ONECUT2: variants seen among roughly 807,000 people sequenced by gnomAD.
ONECUT2 encodes one cut homeobox 2, also known as one cut domain family member 2.
ONECUT2 carries 10 observed loss-of-function variants against 27.9 expected under a neutral mutation model. The observed-to-expected ratio is 0.36, with a 90% CI of 0.22 to 0.61. The LOEUF (loss-of-function observed/expected upper bound fraction) is 0.61, where lower values mean the gene tolerates loss of function less well. ONECUT2 is among the 20% of genes least tolerant of loss of function. ONECUT2 has a pLI of 0.73. For missense variants in ONECUT2, 686 were observed against 721.0 expected, an observed-to-expected ratio of 0.95 and a Z score of 0.56; for synonymous variants, 334 against 315.1, an observed-to-expected ratio of 1.06 and a Z score of -0.64.
intron 1 of ONECUT2, among the ~76,000 whole-genome samples, chr18:57,451,724 G>A (rs1011851396): frequency 6.6e-6 from 1 of 152,138 alleles, no homozygotes; most frequent in African/African-American, 2.4e-5. Flanking sequence ...AGGGTAAAGG[G>A]CGGAAAATTC....
intron 1 of ONECUT2, among the ~76,000 whole-genome samples, chr18:57,438,574 G>A (rs1283470204): frequency 6.6e-6 from 1 of 152,204 alleles, no homozygotes; most frequent in Non-Finnish European, 1.5e-5. Context: ...GCTTGGGGAG[G>A]GGGAGTTTCC....
At position 57,478,520 on chromosome 18, in the gene ONECUT2, A is replaced by G. The variant is rs1050045338; in HGVS notation, c.*1797A>G. 1.5e-4 allele frequency: 23 copies of G among 152,690 alleles called. No homozygotes were observed. Among genetic ancestry groups the G allele is most frequent in the African/African-American group, 5.5e-4 (23 of 41,478 alleles). 9.5% of individuals were successfully genotyped at this position (152,690 alleles called of 1,614,324 possible). A position where few individuals can be genotyped will look rare whatever the true frequency, so the allele number is the denominator to read the frequency against. On this transcript the variant is annotated 3_prime_UTR_variant, in exon 2 of 2. Transcript: ENST00000491143. ...AAGGAAGCACGCCAGAAAATAAACG[A>G]AAACAAAAACAGGGAGACACACTGT...
In ONECUT2 at chr18:57,486,928, G is replaced by A. The variant is rs557654397; in HGVS notation, c.*10205G>A. Reference sequence around the variant, plus strand: ...CAATCAGTGCTATAATTTTATGCATGAGGCTAAAAATTTAGCAGTGTGATG... The same window carrying A: ...CAATCAGTGCTATAATTTTATGCATAAGGCTAAAAATTTAGCAGTGTGATG... On this transcript the variant is annotated 3_prime_UTR_variant, in exon 2 of 2. Coordinates refer to ENST00000491143, the MANE Select transcript of ONECUT2 (RefSeq NM_004852.3). The A allele has an allele frequency of 3.9e-5, 6 of 152,730 alleles. No homozygotes were observed. Among genetic ancestry groups the A allele is most frequent in the Admixed American group, 3.3e-4 (5 of 15,302 alleles). The allele number at this position is 152,730 out of a possible 1,614,324, so 9.5% of individuals were successfully genotyped here.
intron 1 of ONECUT2, among the ~76,000 whole-genome samples, chr18:57,451,213 A>T (rs996613620): frequency 3.3e-5 from 5 of 152,250 alleles, no homozygotes; most frequent in African/African-American, 1.2e-4. Flanking sequence ...AAGACTAACC[A>T]TTTATGAACA....
chr18:57,449,567 C>T (rs966961475), intron 1 of ONECUT2, among the ~76,000 whole-genome samples: 3 of 152,164 alleles, frequency 2.0e-5, no homozygotes, highest in Non-Finnish European at 4.4e-5. Flanking sequence ...TTCAGATTAT[C>T]GCCAGTGGAG....
chr18:57,472,690 A>G (rs536410640), intron 1 of ONECUT2, among the ~76,000 whole-genome samples: 1 of 152,192 alleles, frequency 6.6e-6, no homozygotes, highest in African/African-American at 2.4e-5. Flanking sequence ...TTTTTATCTT[A>G]AATATGTGTG....
At chr18:57,475,085 C>T (rs1030771475) in intron 1 of ONECUT2, among the ~76,000 whole-genome samples, 1 of 124,696 alleles carries the variant, frequency 8.0e-6, no homozygotes, top group African/African-American at 3.0e-5. Context: ...GAGATGGACT[C>T]TCACCCTGTC....
At chr18:57,449,842 A>G (rs779958019) in intron 1 of ONECUT2, among the ~76,000 whole-genome samples, 23 of 152,142 alleles carry the variant, frequency 1.5e-4, no homozygotes, top group Admixed American at 4.6e-4. Flanking sequence ...ACTTTGGCCC[A>G]TTCCTTTCTG....
At chr18:57,462,798 C>T (rs1190982222) in intron 1 of ONECUT2, among the ~76,000 whole-genome samples, 1 of 129,104 alleles carries the variant, frequency 7.7e-6, no homozygotes, top group Non-Finnish European at 1.6e-5. Flanking sequence ...ATGGCCCAAT[C>T]TCGGCTCACT....
rs2050421203 is a variant in ONECUT2, at chr18:57,482,566, G to A, written c.*5843G>A. ...TTGCTACCAGCTTGTTCATCCCATA[G>A]AAGTCTTCCACTCTGCTCCATTTTT... On this transcript the variant is annotated 3_prime_UTR_variant, in exon 2 of 2. Transcript: ENST00000491143. 1 of 152,198 alleles carries A rather than the reference G, an allele frequency of 6.6e-6. No homozygotes were observed. The highest frequency in any genetic ancestry group is 2.4e-5 in the African/African-American group (1 of 41,450). 9.4% of individuals were successfully genotyped at this position (152,198 alleles called of 1,614,324 possible).
Position 57,476,317 on chromosome 18 carries a change from C to A in ONECUT2, c.1229-120C>A, listed in dbSNP as rs2050381391. 3 of 996,444 alleles carry A rather than the reference C, an allele frequency of 3.0e-6. No individual in the cohort carries two copies. The South Asian group carries it at 5.1e-5, about 17-fold the overall frequency. The allele number at this position is 996,444 out of a possible 1,614,324, so 61.7% of individuals were successfully genotyped here. A position where few individuals can be genotyped will look rare whatever the true frequency, so the allele number is the denominator to read the frequency against. ...GGAAGGCTGGTTATTGACAGCTGGG[C>A]AGTTTGCACAATAAAGTTTAACGGT... On this transcript the variant is annotated intron_variant, in intron 1 of 1. Coordinates refer to ENST00000491143, the MANE Select transcript of ONECUT2 (RefSeq NM_004852.3).
chr18:57,465,427 G>A (rs1277881649), intron 1 of ONECUT2, among the ~76,000 whole-genome samples: 1 of 152,222 alleles, frequency 6.6e-6, no homozygotes, highest in Non-Finnish European at 1.5e-5. Flanking sequence ...GCCTCCCAAA[G>A]TGCTGGGATT....
intron 1 of ONECUT2, among the ~76,000 whole-genome samples, chr18:57,469,853 C>T (rs974063510): frequency 3.3e-5 from 5 of 152,172 alleles, no homozygotes; most frequent in Admixed American, 6.5e-5. Context: ...TTAGCATCCC[C>T]ACTCTATAGG....
chr18:57,444,233 T>A (rs568184317), intron 1 of ONECUT2: 29 of 382,468 alleles, frequency 7.6e-5, no homozygotes, highest in South Asian at 5.5e-4. Flanking sequence ...ATTTACAGTT[T>A]TCTCTGTGCA....
At chr18:57,444,593 G>A (rs1415505382) in intron 1 of ONECUT2, among the ~76,000 whole-genome samples, 2 of 152,260 alleles carry the variant, frequency 1.3e-5, no homozygotes, top group African/African-American at 4.8e-5. Context: ...TGCCCAAGTT[G>A]AGTCTGCTAG....
chr18:57,462,815 T>C (rs570474700), intron 1 of ONECUT2, among the ~76,000 whole-genome samples: 1 of 137,936 alleles, frequency 7.2e-6, no homozygotes, highest in East Asian at 2.4e-4. Flanking sequence ...CACTGGAACC[T>C]CTGCCTCCCA....
intron 1 of ONECUT2, among the ~76,000 whole-genome samples, chr18:57,464,969 C>T (rs1465496756): frequency 6.6e-6 from 1 of 152,006 alleles, no homozygotes; most frequent in Non-Finnish European, 1.5e-5. Flanking sequence ...CATAGAAAGC[C>T]TATAGTTAGA....
rs907574490 is a variant in ONECUT2, at chr18:57,490,006, G to A, written c.*13283G>A. 6.6e-6 allele frequency: 1 copy of A among 152,124 alleles called. No individual in the cohort carries two copies. The highest frequency in any genetic ancestry group is 2.4e-5 in the African/African-American group (1 of 41,422). 9.4% of individuals were successfully genotyped at this position (152,124 alleles called of 1,614,324 possible). ...GTTCAGTCTTTTCTCCCCAAGTCTA[G>A]GATGCCAAAGAGCATCATAGGAAAA... is the stretch of plus-strand genomic sequence containing the variant. On this transcript the variant is annotated 3_prime_UTR_variant, in exon 2 of 2. Coordinates refer to ENST00000491143, the MANE Select transcript of ONECUT2 (RefSeq NM_004852.3).
chr18:57,441,661 G>A (rs755851144), intron 1 of ONECUT2, among the ~76,000 whole-genome samples: 46 of 152,384 alleles, frequency 3.0e-4, no homozygotes, highest in South Asian at 2.3e-3. Context: ...TTGCCACTGG[G>A]CCCTGGTGAC....
Sources: allele counts gnomAD v4.1 joint callset (sites outside exome capture counted in the v4.1 genomes callset), GRCh38; gene constraint gnomAD v4.1.1; transcripts MANE v1.5; gene names NCBI Gene and HGNC (gene_info 2026-07-23, HGNC 2026-07-21).